PCDHGA6: variants seen among roughly 807,000 people sequenced by gnomAD.
PCDHGA6 encodes protocadherin gamma-A6.
Under a neutral mutation model 60.6 loss-of-function variants are expected in PCDHGA6, and 41 were observed. The ratio of observed to expected loss-of-function variants is 0.68; its 90% CI spans 0.53 to 0.88. PCDHGA6 has a LOEUF of 0.88. PCDHGA6 is among the 40% of genes least tolerant of loss of function. The pLI, the probability that PCDHGA6 is intolerant of heterozygous loss-of-function variation, is 0.00. For synonymous variants in PCDHGA6, 594 were observed against 524.4 expected (o/e 1.13, Z -1.81); for missense variants, 1,312 against 1,203.0 (o/e 1.09, Z -1.34).
At chr5:141,395,131 C>T in intron 1 of PCDHGA6, 1 of 1,614,202 alleles carries the variant, frequency 6.2e-7, no homozygotes, top group Non-Finnish European at 8.5e-7. Flanking sequence ...TTTCCCCAGC[C>T]CAACTACGCA....
chr5:141,404,680 G>C, intron 1 of PCDHGA6: 1 of 1,614,160 alleles, frequency 6.2e-7, no homozygotes, highest in East Asian at 2.2e-5. Context: ...CTGGTGTGGA[G>C]CTGGCACCCC....
chr5:141,394,592 G>C (rs754585576), intron 1 of PCDHGA6: 84 of 1,613,642 alleles, frequency 5.2e-5, no homozygotes, highest in South Asian at 3.7e-4. Context: ...AGGTGGTGGC[G>C]GTGGACAGAG....
At chr5:141,441,962 G>A in intron 1 of PCDHGA6, 1 of 313,768 alleles carries the variant, frequency 3.2e-6, no homozygotes, top group Admixed American at 4.1e-5. Context: ...AGCAAGCCCA[G>A]GCTCTTCAGC....
intron 2 of PCDHGA6, among the ~76,000 whole-genome samples, chr5:141,496,565 T>C (rs2099769541): frequency 6.6e-6 from 1 of 152,136 alleles, no homozygotes; most frequent in African/African-American, 2.4e-5. Context: ...CACAGTCCTG[T>C]CACCCATTTT....
intron 1 of PCDHGA6, among the ~76,000 whole-genome samples, chr5:141,380,098 C>T (rs1242678914): frequency 1.3e-5 from 2 of 151,806 alleles, no homozygotes; most frequent in African/African-American, 4.8e-5. Context: ...TGGGGTTTTA[C>T]CATGATGGCC....
intron 1 of PCDHGA6, chr5:141,377,686 C>T (rs766172227): frequency 1.1e-4 from 16 of 151,986 alleles, no homozygotes; most frequent in African/African-American, 2.9e-4. Context: ...AGATCTTTCA[C>T]CTTTACTACT....
chr5:141,471,637 T>G (rs1284100810), intron 1 of PCDHGA6: 1 of 152,198 alleles, frequency 6.6e-6, no homozygotes, highest in Non-Finnish European at 1.5e-5. Context: ...TATGGATTAG[T>G]AATATACTGG....
chr5:141,436,048 T>G (rs553708148), intron 1 of PCDHGA6, among the ~76,000 whole-genome samples: 1 of 152,316 alleles, frequency 6.6e-6, no homozygotes, highest in South Asian at 2.1e-4. Context: ...TACATTAGTT[T>G]TCAAATAGAA....
At position 141,374,758 on chromosome 5, in the gene PCDHGA6, C is replaced by T; in HGVS notation, c.675C>T (p.Val225=). Residue 225 remains valine (V), a synonymous_variant, in exon 1 of 4, where the codon GTC becomes GTT. Transcript: ENST00000517434. ...MDGGDPVRSS[V]AQILVTVLDV... is the part of the protein sequence containing the mutation. The stretch of plus-strand genomic sequence containing the variant: ...GCGGCGACCCTGTCCGCTCAAGCGT[C>T]GCCCAAATTCTGGTAACAGTTCTAG... 1 of 1,613,200 alleles carries T rather than the reference C, an allele frequency of 6.2e-7. No individual in the cohort carries two copies. The highest frequency in any genetic ancestry group is 1.1e-5 in the South Asian group (1 of 90,930).
chr5:141,399,853 C>G, intron 1 of PCDHGA6: 1 of 1,612,978 alleles, frequency 6.2e-7, no homozygotes, highest in Non-Finnish European at 8.5e-7. Flanking sequence ...TATGGTGCCG[C>G]GCGCTGCAGA....
chr5:141,382,728 C>T, intron 1 of PCDHGA6: 1 of 545,686 alleles, frequency 1.8e-6, no homozygotes. Context: ...AGTTTTACAG[C>T]ACAGAGAAAC....
chr5:141,376,337 A>G lies in PCDHGA6; in HGVS notation c.2254A>G (p.Thr752Ala), dbSNP rs780979921. ...GGAAGGGGTTCGGGCTTTCCTGCAG[A>G]CCTATTCCCACGAGGTCTCACTCAC... ...GVEGVRAFLQ[T>A]YSHEVSLTAD... The change falls in exon 1 of 4, where the codon ACC (threonine) becomes GCC (alanine). Residue 752 changes from threonine (T) to alanine (A), a missense_variant. Coordinates refer to ENST00000517434, the MANE Select transcript of PCDHGA6 (RefSeq NM_018919.3). The G allele has an allele frequency of 1.9e-6, 3 of 1,613,924 alleles. No homozygotes were observed. Among genetic ancestry groups the G allele is most frequent in the Non-Finnish European group, 2.5e-6 (3 of 1,180,026 alleles).
intron 1 of PCDHGA6, chr5:141,398,796 C>G (rs765198482): frequency 8.1e-6 from 13 of 1,613,920 alleles, no homozygotes; most frequent in Middle Eastern, 1.6e-4. Context: ...CACCCCTAAG[C>G]GGCACCACTG....
At chr5:141,497,050 G>T (rs113054804) in intron 2 of PCDHGA6, among the ~76,000 whole-genome samples, 5,544 of 152,084 alleles carry the variant, frequency 0.036, 137 homozygotes, top group South Asian at 0.074. Context: ...TTAGCCAGGC[G>T]TGGTGGCAGG....
chr5:141,408,300 T>C lies in PCDHGA6; in HGVS notation c.2424+31793T>C. On this transcript the variant is annotated intron_variant, in intron 1 of 3. Coordinates refer to ENST00000517434, the MANE Select transcript of PCDHGA6 (RefSeq NM_018919.3). ...TTCTACCCCACCCTGAGTGAGCCGATCCGCTACTCGATTCCGGAGGAGCTG... is the reference window on the plus strand; with the variant it reads ...TTCTACCCCACCCTGAGTGAGCCGACCCGCTACTCGATTCCGGAGGAGCTG... The C allele has an allele frequency of 1.2e-6, 2 of 1,613,732 alleles. No homozygotes were observed. The highest frequency in any genetic ancestry group is 1.7e-6 in the Non-Finnish European group (2 of 1,179,694).
At chr5:141,448,926 C>T (rs528128105) in intron 1 of PCDHGA6, among the ~76,000 whole-genome samples, 5 of 152,256 alleles carry the variant, frequency 3.3e-5, no homozygotes, top group African/African-American at 9.6e-5. Context: ...GCCTGGGCGA[C>T]AGAGCAAGAC....
intron 1 of PCDHGA6, among the ~76,000 whole-genome samples, chr5:141,481,241 A>C (rs557107835): frequency 2.0e-5 from 3 of 152,350 alleles, no homozygotes; most frequent in South Asian, 2.1e-4. Flanking sequence ...AGTATTACAT[A>C]GCATAGCTCT....
At chr5:141,389,091 G>A (rs1303132964) in intron 1 of PCDHGA6, 1 of 1,614,038 alleles carries the variant, frequency 6.2e-7, no homozygotes, top group Non-Finnish European at 8.5e-7. Flanking sequence ...GTATAAATTA[G>A]TGACAGATGC....
rs751918675 is a variant in PCDHGA6 at position 141,376,240 on chromosome 5, G to A, written c.2157G>A (p.Trp719Ter). ...TGCTGGCGCTCAGACTGCAGCGCTG[G>A]CACAAGTCACGCCTGCTGCAGGCTT... ...IVLLALRLQR[W>*]HKSRLLQASG... The change falls in exon 1 of 4, where the codon TGG becomes TGA. Residue 719 changes from tryptophan to a stop codon, truncating the protein, a stop_gained. Transcript: ENST00000517434. LOFTEE classifies it high-confidence loss of function. The A allele has an allele frequency of 1.9e-6, 3 of 1,614,202 alleles. No individual in the cohort carries two copies. In the South Asian group the frequency reaches 3.3e-5, roughly 18 times the overall value.
Sources: gnomAD v4.1 joint callset for allele counts (sites outside exome capture counted in the v4.1 genomes callset) on GRCh38, gnomAD v4.1.1 for gene constraint, MANE v1.5 for transcripts, NCBI Gene and HGNC (gene_info 2026-07-23, HGNC 2026-07-21) for gene names.